Variants in AGTPBP1 observed in about 807,000 individuals in gnomAD.
AGTPBP1 encodes the protein cytosolic carboxypeptidase 1.
Under a neutral mutation model 143.9 loss-of-function variants are expected in AGTPBP1, and 70 were observed. That is an observed-to-expected ratio of 0.49 (90% CI 0.40 to 0.59). AGTPBP1 has a LOEUF of 0.59. Ranked by LOEUF, AGTPBP1 falls within the 20% of genes least tolerant of loss-of-function variation. The pLI, the probability that AGTPBP1 is intolerant of heterozygous loss-of-function variation, is 0.00. For synonymous variants in AGTPBP1, 463 were observed against 500.2 expected (o/e 0.93, Z 0.99); for missense variants, 1,229 against 1,464.5 (o/e 0.84, Z 2.62).
chr9:85,653,203 G>A (rs1251915994), intron 11 of AGTPBP1, among the ~76,000 whole-genome samples: 1 of 148,804 alleles, frequency 6.7e-6, no homozygotes, highest in Middle Eastern at 3.4e-3. Context: ...TCAGGAGTTC[G>A]AGACCAGCCT....
chr9:85,559,131 C>T (rs1216135398), intron 25 of AGTPBP1, among the ~76,000 whole-genome samples: 1 of 152,154 alleles, frequency 6.6e-6, no homozygotes, highest in Non-Finnish European at 1.5e-5. Context: ...CACAAAAATA[C>T]TACATAGCTA....
At chr9:85,594,423 T>C (rs1344410838) in intron 18 of AGTPBP1, among the ~76,000 whole-genome samples, 1 of 152,008 alleles carries the variant, frequency 6.6e-6, no homozygotes, top group Non-Finnish European at 1.5e-5. Context: ...ACCCAGTCTC[T>C]ACAAAAAATA....
intron 17 of AGTPBP1, among the ~76,000 whole-genome samples, chr9:85,615,718 T>TA (rs994583545): frequency 2.0e-5 from 3 of 152,028 alleles, no homozygotes; most frequent in Admixed American, 1.3e-4. Flanking sequence ...GTTTTTCCTT[T>TA]AAACTGTTTT....
chr9:85,612,621 C>T (rs188575594), intron 17 of AGTPBP1, among the ~76,000 whole-genome samples: 2 of 152,118 alleles, frequency 1.3e-5, no homozygotes, highest in African/African-American at 4.8e-5. Flanking sequence ...CTGTTTGTAA[C>T]CAAGTCAGAG....
upstream of AGTPBP1, among the ~76,000 whole-genome samples, chr9:85,742,538 AAAC>A (rs1215476699): frequency 2.0e-5 from 3 of 152,180 alleles, no homozygotes; most frequent in Admixed American, 1.3e-4. Context: ...GGCTCCCAGA[AAAC>A]AACAGGATTG....
At chr9:85,794,129 C>T in the AGTPBP1 span, among the ~76,000 whole-genome samples, 3 of 151,956 alleles carry the variant, frequency 2.0e-5, no homozygotes, top group African/African-American at 7.2e-5. Flanking sequence ...TTTCTGAGCT[C>T]ACATATATAT....
chr9:85,577,176 T>C (rs569388431), intron 24 of AGTPBP1, among the ~76,000 whole-genome samples: 4 of 152,284 alleles, frequency 2.6e-5, no homozygotes, highest in African/African-American at 2.4e-5. Context: ...AGCACTACTA[T>C]TGTATACTAT....
chr9:85,615,813 A>C (rs111488686), intron 17 of AGTPBP1, among the ~76,000 whole-genome samples: 161 of 152,126 alleles, frequency 1.1e-3, no homozygotes, highest in African/African-American at 3.6e-3. Context: ...AGATACTTCT[A>C]TGAATTATAA....
intron 2 of AGTPBP1, among the ~76,000 whole-genome samples, chr9:85,702,504 A>G (rs555595681): frequency 6.6e-6 from 1 of 150,832 alleles, no homozygotes; most frequent in East Asian, 2.0e-4. Context: ...GACTCACAAT[A>G]TCATCTCTCA....
At chr9:85,698,679 CTTTTTTTTTTTTTTTTTTT>C (rs34248388) in intron 2 of AGTPBP1, among the ~76,000 whole-genome samples, 2 of 76,568 alleles carry the variant, frequency 2.6e-5, no homozygotes, top group Non-Finnish European at 4.7e-5. Flanking sequence ...CCACCTAACC[CTTTTTTTTTTTTTTTTTTT>C]TTTTTTTTTT....
At chr9:85,798,862 CATT>C in the AGTPBP1 span, among the ~76,000 whole-genome samples, 1 of 151,930 alleles carries the variant, frequency 6.6e-6, no homozygotes, top group East Asian at 1.9e-4. Flanking sequence ...TTATTGTTAT[CATT>C]ATACTTTAAG....
At chr9:85,647,845 T>C (rs985162696) in intron 11 of AGTPBP1, among the ~76,000 whole-genome samples, 1 of 152,144 alleles carries the variant, frequency 6.6e-6, no homozygotes, top group African/African-American at 2.4e-5. Context: ...AGTATGCTTA[T>C]GAAAGTACTG....
chr9:85,602,816 G>A (rs1430228950), intron 17 of AGTPBP1, among the ~76,000 whole-genome samples: 2 of 152,212 alleles, frequency 1.3e-5, no homozygotes, highest in Non-Finnish European at 2.9e-5. Flanking sequence ...TCCAGCCCCA[G>A]TGGCCACATG....
the AGTPBP1 span, among the ~76,000 whole-genome samples, chr9:85,784,451 A>AT: frequency 1.3e-5 from 2 of 152,074 alleles, no homozygotes; most frequent in Non-Finnish European, 2.9e-5. Context: ...TCTGTTGCCC[A>AT]GGCTGGAGTG....
intron 11 of AGTPBP1, among the ~76,000 whole-genome samples, chr9:85,650,628 C>T (rs969918204): frequency 6.6e-6 from 1 of 152,136 alleles, no homozygotes; most frequent in Non-Finnish European, 1.5e-5. Context: ...TGCACAGAGT[C>T]GATACTGCTA....
chr9:85,802,865 T>A, the AGTPBP1 span, among the ~76,000 whole-genome samples: 5 of 152,180 alleles, frequency 3.3e-5, no homozygotes, highest in African/African-American at 1.2e-4. Flanking sequence ...GAGGCACAAG[T>A]ACTCTCAAAG....
chr9:85,646,238 T>C (rs1193712646), intron 12 of AGTPBP1, 83 bp downstream of exon 12: 9 of 853,184 alleles, frequency 1.1e-5, no homozygotes, highest in Non-Finnish European at 1.3e-5. Flanking sequence ...TAAAATTACA[T>C]ATATATTTAT....
intron 1 of AGTPBP1, among the ~76,000 whole-genome samples, chr9:85,738,192 A>G (rs1188431908): frequency 6.6e-6 from 1 of 152,212 alleles, no homozygotes; most frequent in Non-Finnish European, 1.5e-5. Context: ...AGATAAATTC[A>G]CAAAAGCTTT....
chr9:85,569,831 T>C (rs773903012), intron 25 of AGTPBP1, among the ~76,000 whole-genome samples: 1 of 152,224 alleles, frequency 6.6e-6, no homozygotes, highest in Non-Finnish European at 1.5e-5. Flanking sequence ...ATTTTTCATA[T>C]AGGATGGATC....
Sources: gnomAD v4.1 joint callset for allele counts (sites outside exome capture counted in the v4.1 genomes callset) on GRCh38, gnomAD v4.1.1 for gene constraint, MANE v1.5 for transcripts, NCBI Gene and HGNC (gene_info 2026-07-23, HGNC 2026-07-21) for gene names.